GRM5: variants seen among roughly 807,000 people sequenced by gnomAD.
The protein encoded by GRM5 is metabotropic glutamate receptor 5.
Under a neutral mutation model 83.1 loss-of-function variants are expected in GRM5, and 19 were observed. The ratio of observed to expected loss-of-function variants is 0.23; its 90% CI spans 0.16 to 0.34. The LOEUF is 0.34. GRM5 is among the 10% of genes least tolerant of loss of function. The pLI is 1.00. For missense variants in GRM5, 1,160 were observed against 1,588.3 expected (o/e 0.73, Z 4.58); for synonymous variants, 675 against 633.6 (o/e 1.07, Z -0.98).
At chr11:88,914,278 A>C (rs589774) in intron 2 of GRM5, among the ~76,000 whole-genome samples, 148,764 of 152,212 alleles carry the variant, frequency 0.98, 72,788 homozygotes, top group East Asian at 1. Context: ...TCCAGAATAT[A>C]ATTAATTCAA....
At chr11:88,875,156 G>A (rs1944830805) in intron 2 of GRM5, among the ~76,000 whole-genome samples, 1 of 151,134 alleles carries the variant, frequency 6.6e-6, no homozygotes, top group Non-Finnish European at 1.5e-5. Context: ...CAGTAGAACT[G>A]CTTTTAAAAT....
At chr11:88,895,338 A>C (rs1242726425) in intron 2 of GRM5, among the ~76,000 whole-genome samples, 1 of 151,956 alleles carries the variant, frequency 6.6e-6, no homozygotes, top group Non-Finnish European at 1.5e-5. Flanking sequence ...AGAATGATGA[A>C]TATAAGTTTG....
intron 3 of GRM5, among the ~76,000 whole-genome samples, chr11:88,694,537 T>A (rs1323860883): frequency 1.4e-5 from 2 of 138,020 alleles, no homozygotes; most frequent in African/African-American, 5.5e-5. Flanking sequence ...TCCAGCTCCA[T>A]CCTTCTTAGA....
rs537503554 is a variant in GRM5, at chr11:88,529,303, G to A, written c.2631-3899C>T. ...AGATAATTTCCAAACAATGTAAGAA[G>A]TTTTATTATAGAAACAAATACAAGA... is the stretch of plus-strand genomic sequence containing the variant. On this transcript the variant is annotated intron_variant, in intron 8 of 9. Coordinates refer to ENST00000305447, the MANE Select transcript of GRM5 (RefSeq NM_001143831.3). Among the ~76,000 whole-genome samples the A allele has an allele frequency of 1.5e-4, 22 of 151,548 alleles. 1 individual carries two copies. The East Asian group carries it at 3.7e-3, about 25-fold the overall frequency.
chr11:89,038,096 C>G (rs967107887), intron 2 of GRM5, among the ~76,000 whole-genome samples: 3 of 151,784 alleles, frequency 2.0e-5, no homozygotes, highest in African/African-American at 7.3e-5. Flanking sequence ...GAGTTATCCA[C>G]TATTTGAAAA....
intron 2 of GRM5, among the ~76,000 whole-genome samples, chr11:88,906,682 T>G (rs367889829): frequency 7.2e-5 from 11 of 152,166 alleles, no homozygotes; most frequent in Admixed American, 2.0e-4. Context: ...CAACAGAGAG[T>G]TGGAAAATAA....
At chr11:88,722,241 A>G (rs1941559801) in intron 3 of GRM5, among the ~76,000 whole-genome samples, 1 of 152,154 alleles carries the variant, frequency 6.6e-6, no homozygotes, top group Non-Finnish European at 1.5e-5. Context: ...TTATACTGTT[A>G]AACCACTCCT....
intron 9 of GRM5, among the ~76,000 whole-genome samples, chr11:88,513,255 G>C (rs551814117): frequency 6.6e-6 from 1 of 152,232 alleles, no homozygotes; most frequent in Non-Finnish European, 1.5e-5. Flanking sequence ...CACAGATGGA[G>C]GGTTTGCTCT....
chr11:88,528,775 G>A (rs1187246653), intron 8 of GRM5, among the ~76,000 whole-genome samples: 1 of 151,884 alleles, frequency 6.6e-6, no homozygotes, highest in East Asian at 1.9e-4. Context: ...AGCATGCCAG[G>A]CTGTTTGCTG....
intron 3 of GRM5, among the ~76,000 whole-genome samples, chr11:88,686,197 G>T (rs1940618272): frequency 6.6e-6 from 1 of 152,186 alleles, no homozygotes. Flanking sequence ...ACCTGGATGT[G>T]AGACCTGGAG....
At chr11:88,691,449 A>C (rs531968775) in intron 3 of GRM5, among the ~76,000 whole-genome samples, 3 of 152,334 alleles carry the variant, frequency 2.0e-5, no homozygotes, top group African/African-American at 7.2e-5. Flanking sequence ...ATCACTATGC[A>C]GCCAAAGCAA....
intron 2 of GRM5, among the ~76,000 whole-genome samples, chr11:88,947,213 A>T (rs1938309168): frequency 1.3e-5 from 2 of 152,032 alleles, no homozygotes. Context: ...TAATTTCCCC[A>T]TTTTATCCTA....
chr11:88,525,578 A>G (rs945624367), intron 8 of GRM5, among the ~76,000 whole-genome samples, 174 bp from the exon 9 acceptor site: 1 of 152,214 alleles, frequency 6.6e-6, no homozygotes, highest in African/African-American at 2.4e-5. Flanking sequence ...GTGATGGCAT[A>G]TGGACAACAT....
chr11:88,689,486 C>G (rs1333607146), intron 3 of GRM5, among the ~76,000 whole-genome samples: 1 of 152,152 alleles, frequency 6.6e-6, no homozygotes, highest in African/African-American at 2.4e-5. Flanking sequence ...AGTATAAATA[C>G]TAAGAAAGCA....
intron 3 of GRM5, among the ~76,000 whole-genome samples, chr11:88,728,088 A>G (rs535868077): frequency 6.6e-6 from 1 of 152,268 alleles, no homozygotes; most frequent in Non-Finnish European, 1.5e-5. Flanking sequence ...CGAATCCAGG[A>G]GCTGGTTTTT....
At chr11:88,901,274 T>C (rs1467134954) in intron 2 of GRM5, among the ~76,000 whole-genome samples, 2 of 152,142 alleles carry the variant, frequency 1.3e-5, no homozygotes, top group Admixed American at 1.3e-4. Context: ...ATTGATTGAC[T>C]TTGATGTTGT....
intron 5 of GRM5, among the ~76,000 whole-genome samples, chr11:88,601,858 C>T (rs1938007751): frequency 1.3e-5 from 2 of 152,082 alleles, no homozygotes; most frequent in Admixed American, 6.6e-5. Context: ...TTCTATTCAC[C>T]TCTGCCATTG....
chr11:88,929,042 A>T (rs1937625421), intron 2 of GRM5, among the ~76,000 whole-genome samples: 1 of 152,066 alleles, frequency 6.6e-6, no homozygotes, highest in Admixed American at 6.6e-5. Context: ...TCACCAAAAA[A>T]GTGGTCAAGT....
chr11:88,829,395 A>C (rs1444398223), intron 3 of GRM5, among the ~76,000 whole-genome samples: 1 of 152,126 alleles, frequency 6.6e-6, no homozygotes, highest in East Asian at 1.9e-4. Flanking sequence ...TGGGAGGTGG[A>C]GGTTTCAGTG....
Sources: gnomAD v4.1 joint callset for allele counts (sites outside exome capture counted in the v4.1 genomes callset) on GRCh38, gnomAD v4.1.1 for gene constraint, MANE v1.5 for transcripts, NCBI Gene and HGNC (gene_info 2026-07-23, HGNC 2026-07-21) for gene names.